ZNF492: variants seen among roughly 807,000 people sequenced by gnomAD.
ZNF492 encodes zinc finger protein 492.
ZNF492 carries 3 observed loss-of-function variants against 6.4 expected under a neutral mutation model. The observed-to-expected ratio is 0.47, with a 90% CI of 0.21 to 1.22. The LOEUF (loss-of-function observed/expected upper bound fraction) is 1.22, where lower values mean the gene tolerates loss of function less well. ZNF492 is among the 50% of genes most tolerant of loss of function. The probability of loss-of-function intolerance (pLI) is 0.22; values close to 1 mark genes in which losing one functional copy is unlikely to be tolerated. For synonymous variants in ZNF492, 112 were observed against 205.3 expected, an observed-to-expected ratio of 0.55 and a Z score of 3.89; for missense variants, 356 against 612.5, an observed-to-expected ratio of 0.58 and a Z score of 4.42.
At position 22,667,345 on chromosome 19, in the gene ZNF492, A is replaced by G. The variant is rs1417597123; in HGVS notation, c.*2080A>G. ...AGTGGCTTTAAACTGCAAATAAGGA[A>G]TGTTGTTTCTGTAGGTAAAATTTTT... On this transcript the variant is annotated 3_prime_UTR_variant, in exon 4 of 4. Coordinates refer to ENST00000456783, the MANE Select transcript of ZNF492 (RefSeq NM_020855.3). 2 of 152,238 alleles carry G rather than the reference A, an allele frequency of 1.3e-5. No individual in the cohort carries two copies. Among genetic ancestry groups the G allele is most frequent in the East Asian group, 3.9e-4 (2 of 5,184 alleles). 9.4% of individuals were successfully genotyped at this position (152,238 alleles called of 1,614,324 possible). A position where few individuals can be genotyped will look rare whatever the true frequency, so the allele number is the denominator to read the frequency against.
intron 3 of ZNF492, among the ~76,000 whole-genome samples, chr19:22,661,210 G>GTT (rs200628371): frequency 2.0e-5 from 3 of 150,170 alleles, no homozygotes; most frequent in African/African-American, 7.4e-5. Flanking sequence ...CCACCAAATT[G>GTT]TTTTTTTTAA....
Position 22,663,541 on chromosome 19 carries a change from A to G in ZNF492, c.131-259A>G, listed in dbSNP as rs189875116. On this transcript the variant is annotated intron_variant, in intron 3 of 3. Coordinates refer to ENST00000456783, the MANE Select transcript of ZNF492 (RefSeq NM_020855.3). ...GAAGCAGGAAGATCTGCACTGGGTA[A>G]ATGTAACAGACTTTTCTTTCTTCTA... Among the ~76,000 whole-genome samples, 527 of 152,276 alleles carry G rather than the reference A, an allele frequency of 3.5e-3. 2 individuals carry two copies. Among genetic ancestry groups the G allele is most frequent in the Non-Finnish European group, 6.6e-3 (448 of 68,012 alleles).
intron 1 of ZNF492, 92 bp from the exon 2 acceptor site, chr19:22,653,215 G>T: frequency 6.9e-7 from 1 of 1,446,766 alleles, no homozygotes; most frequent in Middle Eastern, 1.8e-4. Context: ...GTAAGAACCA[G>T]TTCTCTTTAC....
chr19:22,634,413 G>A lies in ZNF492; in HGVS notation c.-155G>A. The A allele has an allele frequency of 7.4e-7, 1 of 1,355,972 alleles. No homozygotes were observed. Among genetic ancestry groups the A allele is most frequent in the Non-Finnish European group, 1.0e-6 (1 of 961,894 alleles). 84.0% of individuals were successfully genotyped at this position (1,355,972 alleles called of 1,614,324 possible). A position where few individuals can be genotyped will look rare whatever the true frequency, so the allele number is the denominator to read the frequency against. On this transcript the variant is annotated 5_prime_UTR_variant, in exon 1 of 4. Transcript: ENST00000456783. ...AGAGGCCCATCCTCTGTGGCCCTGT[G>A]ACCTGCAGGTATTGGGAGATCCACA... is the stretch of plus-strand genomic sequence containing the variant.
intron 1 of ZNF492, among the ~76,000 whole-genome samples, chr19:22,649,596 T>A (rs1971919022): frequency 6.6e-6 from 1 of 152,078 alleles, no homozygotes; most frequent in South Asian, 2.1e-4. Context: ...TTTTATGTAG[T>A]CCCATATTTC....
chr19:22,655,888 G>A lies in ZNF492; in HGVS notation c.130+1873G>A, dbSNP rs572847103. 1.4e-4 allele frequency among the ~76,000 whole-genome samples: 20 copies of A among 139,224 alleles called. No individual in the cohort carries two copies. In the South Asian group the frequency reaches 3.8e-3, roughly 26 times the overall value. The allele number at this position is 139,224 out of a possible 152,430, so 91.3% of individuals were successfully genotyped here. ...CGCTGAGACTGGAGTGCAGTGGCGCGGCCTCGGCTCACTGCAACCTCCACC... is the reference window on the plus strand; with the variant it reads ...CGCTGAGACTGGAGTGCAGTGGCGCAGCCTCGGCTCACTGCAACCTCCACC... On this transcript the variant is annotated intron_variant, in intron 3 of 3. Coordinates refer to ENST00000456783, the MANE Select transcript of ZNF492 (RefSeq NM_020855.3).
chr19:22,642,084 C>T (rs543133158), intron 1 of ZNF492, among the ~76,000 whole-genome samples: 10 of 152,230 alleles, frequency 6.6e-5, no homozygotes, highest in Admixed American at 3.3e-4. Context: ...TGAGCCAGCG[C>T]GCCCGGCCAC....
chr19:22,662,542 T>C (rs1477439601), intron 3 of ZNF492, among the ~76,000 whole-genome samples: 1 of 152,200 alleles, frequency 6.6e-6, no homozygotes, highest in Non-Finnish European at 1.5e-5. Flanking sequence ...TAGTTTACAG[T>C]CCCACCAACA....
intron 3 of ZNF492, among the ~76,000 whole-genome samples, chr19:22,662,062 G>T (rs1352833584): frequency 1.3e-5 from 2 of 151,700 alleles, no homozygotes; most frequent in African/African-American, 2.4e-5. Flanking sequence ...ATGTGCCATG[G>T]GTTAATGCTA....
intron 1 of ZNF492, among the ~76,000 whole-genome samples, 180 bp from the exon 2 acceptor site, chr19:22,653,127 C>T (rs1268442868): frequency 1.3e-5 from 2 of 151,574 alleles, no homozygotes; most frequent in African/African-American, 2.4e-5. Flanking sequence ...ACTCTCTTTT[C>T]TCAGAGTTAG....
rs2145261631 is a variant in ZNF492, at chr19:22,661,553, A to G, written c.131-2247A>G. 6.6e-5 allele frequency among the ~76,000 whole-genome samples: 10 copies of G among 152,146 alleles called. 1 individual carries two copies. In the Middle Eastern group the frequency reaches 0.031, roughly 466 times the overall value. On this transcript the variant is annotated intron_variant, in intron 3 of 3. Transcript: ENST00000456783. ...CATGTTCTTAGGATCTGCCTTGTCTAAAATTTTGTGTTTAGTTTTTAGTCA... is the reference window on the plus strand; with the variant it reads ...CATGTTCTTAGGATCTGCCTTGTCTGAAATTTTGTGTTTAGTTTTTAGTCA...
At chr19:22,656,174 C>A (rs898606149) in intron 3 of ZNF492, among the ~76,000 whole-genome samples, 4 of 146,122 alleles carry the variant, frequency 2.7e-5, no homozygotes, top group African/African-American at 1.1e-4. Flanking sequence ...TTTTGTTGAG[C>A]CCCCAGGGTG....
chr19:22,635,737 A>G (rs1168794381), intron 1 of ZNF492, among the ~76,000 whole-genome samples: 1 of 152,266 alleles, frequency 6.6e-6, no homozygotes, highest in Non-Finnish European at 1.5e-5. Flanking sequence ...ATAAACCAAG[A>G]TAACCGCTAT....
At chr19:22,648,300 T>C (rs1414871373) in intron 1 of ZNF492, among the ~76,000 whole-genome samples, 2 of 152,230 alleles carry the variant, frequency 1.3e-5, no homozygotes, top group East Asian at 3.9e-4. Context: ...GACTGTGTTG[T>C]GGTCTGAGAG....
At chr19:22,636,199 T>A (rs1963579) in intron 1 of ZNF492, among the ~76,000 whole-genome samples, 29,249 of 151,638 alleles carry the variant, frequency 0.19, 3,655 homozygotes, top group African/African-American at 0.36. Context: ...TCCCAGGTTC[T>A]AGTGATTCTC....
At chr19:22,653,580 AAG>A in intron 2 of ZNF492, 147 bp downstream of exon 2, 1 of 1,186,386 alleles carries the variant, frequency 8.4e-7, no homozygotes, top group Non-Finnish European at 1.2e-6. Context: ...AAAGAATTTC[AAG>A]ATGTTTCATT....
chr19:22,644,362 C>G (rs372675232), intron 1 of ZNF492, among the ~76,000 whole-genome samples: 19 of 152,164 alleles, frequency 1.2e-4, no homozygotes, highest in Admixed American at 4.6e-4. Context: ...GACCCATCTT[C>G]TAGGTGCCCT....
intron 1 of ZNF492, among the ~76,000 whole-genome samples, chr19:22,644,001 A>G (rs1403516743): frequency 2.0e-5 from 3 of 151,554 alleles, no homozygotes; most frequent in Non-Finnish European, 4.4e-5. Context: ...GTATTTTTAT[A>G]TCTGTAGAGC....
At chr19:22,654,959 A>T (rs1473727436) in intron 3 of ZNF492, among the ~76,000 whole-genome samples, 1 of 151,780 alleles carries the variant, frequency 6.6e-6, no homozygotes, top group Non-Finnish European at 1.5e-5. Flanking sequence ...TAGAGAATTT[A>T]TTGAATCTAG....
Sources: gnomAD v4.1 joint callset for allele counts (sites outside exome capture counted in the v4.1 genomes callset) on GRCh38, gnomAD v4.1.1 for gene constraint, MANE v1.5 for transcripts, NCBI Gene and HGNC (gene_info 2026-07-23, HGNC 2026-07-21) for gene names.